Variants in HIBADH observed in about 807,000 individuals in gnomAD.
HIBADH encodes 3-hydroxyisobutyrate dehydrogenase.
A neutral mutation model predicts 36.1 loss-of-function variants in HIBADH; 25 were observed. The ratio of observed to expected loss-of-function variants is 0.69; its 90% CI spans 0.50 to 0.97. The LOEUF (loss-of-function observed/expected upper bound fraction) is 0.97, where lower values mean the gene tolerates loss of function less well. HIBADH is among the 50% of genes least tolerant of loss of function. HIBADH has a pLI of 0.00. For synonymous variants in HIBADH, 160 were observed against 149.5 expected (o/e 1.07, Z -0.51); for missense variants, 421 against 418.0 (o/e 1.01, Z -0.06).
intron 4 of HIBADH, among the ~76,000 whole-genome samples, chr7:27,554,898 A>T (rs1001685988): frequency 6.6e-6 from 1 of 151,956 alleles, no homozygotes; most frequent in Non-Finnish European, 1.5e-5. Context: ...GAGGGTGCCA[A>T]CTCCTACAAT....
chr7:27,629,225 T>C, intron 4 of HIBADH, 146 bp downstream of exon 4: 1 of 661,720 alleles, frequency 1.5e-6, no homozygotes, highest in Non-Finnish European at 2.4e-6. Context: ...GAGTACTAAA[T>C]AACGTATCAG....
chr7:27,594,696 G>T (rs935157776), intron 4 of HIBADH, among the ~76,000 whole-genome samples: 1 of 152,076 alleles, frequency 6.6e-6, no homozygotes, highest in African/African-American at 2.4e-5. Context: ...AAAGAGCAAT[G>T]AAAGACAACT....
At chr7:27,603,790 AT>A (rs534559699) in intron 4 of HIBADH, among the ~76,000 whole-genome samples, 206 of 152,316 alleles carry the variant, frequency 1.4e-3, no homozygotes, top group African/African-American at 4.7e-3. Flanking sequence ...AAAATAAGAT[AT>A]GCAAAGACTC....
intron 5 of HIBADH, among the ~76,000 whole-genome samples, chr7:27,540,208 T>A (rs1251943431): frequency 6.6e-6 from 1 of 152,296 alleles, no homozygotes; most frequent in South Asian, 2.1e-4. Context: ...GGGTCCATGT[T>A]GTAAAAGAAG....
At chr7:27,611,643 G>A (rs1785323831) in intron 4 of HIBADH, among the ~76,000 whole-genome samples, 2 of 152,174 alleles carry the variant, frequency 1.3e-5, no homozygotes, top group South Asian at 4.1e-4. Flanking sequence ...TGAGACCTGT[G>A]TCATGGGCTA....
chr7:27,575,786 A>G (rs1285822100), intron 4 of HIBADH, among the ~76,000 whole-genome samples: 2 of 152,196 alleles, frequency 1.3e-5, no homozygotes, highest in African/African-American at 4.8e-5. Flanking sequence ...CTAGCCTGTA[A>G]GGAGGAAAAC....
rs775572203 is a variant in HIBADH at position 27,632,443 on chromosome 7, T to A, written c.255A>T (p.Val85=). 1.9e-6 allele frequency: 3 copies of A among 1,608,364 alleles called. No individual in the cohort carries two copies. The highest frequency in any genetic ancestry group is 2.6e-6 in the Non-Finnish European group (3 of 1,175,102). ...CKEFQDAGEQ[V]VSSPADVAEK... ...CAGCAACATCTGCTGGGGAAGATAC[T>A]ACCTTTAAAAAAAATTGCAAAGGCA... Residue 85 remains valine (V), a splice_region_variant and synonymous_variant, in exon 3 of 8, where the codon GTA becomes GTT. Coordinates refer to ENST00000265395, the MANE Select transcript of HIBADH (RefSeq NM_152740.4).
chr7:27,578,608 C>T (rs1490706705), intron 4 of HIBADH, among the ~76,000 whole-genome samples: 1 of 151,458 alleles, frequency 6.6e-6, no homozygotes, highest in Non-Finnish European at 1.5e-5. Flanking sequence ...TGAGCCACCG[C>T]GCCCAGCCAA....
intron 4 of HIBADH, among the ~76,000 whole-genome samples, chr7:27,616,455 G>A (rs906115407): frequency 3.3e-5 from 5 of 151,998 alleles, no homozygotes; most frequent in Admixed American, 6.6e-5. Context: ...TCATGTCTTC[G>A]TTGTTTTTTT....
At chr7:27,580,969 T>C (rs1433945911) in intron 4 of HIBADH, among the ~76,000 whole-genome samples, 1 of 152,044 alleles carries the variant, frequency 6.6e-6, no homozygotes, top group East Asian at 1.9e-4. Context: ...GGGTAGGCGA[T>C]CATGTGGAAG....
chr7:27,644,599 CA>C (rs57443714), intron 2 of HIBADH, among the ~76,000 whole-genome samples: 71 of 112,650 alleles, frequency 6.3e-4, no homozygotes, highest in Non-Finnish European at 6.5e-4. Context: ...GACTCCATCT[CA>C]AAAAAAAAAA....
At chr7:27,655,901 C>G (rs932879074) in intron 1 of HIBADH, among the ~76,000 whole-genome samples, 6 of 151,984 alleles carry the variant, frequency 3.9e-5, no homozygotes, top group Admixed American at 3.3e-4. Context: ...AACATATGCT[C>G]TCATATACTG....
chr7:27,582,873 T>G (rs980925340), intron 4 of HIBADH, among the ~76,000 whole-genome samples: 1 of 152,150 alleles, frequency 6.6e-6, no homozygotes, highest in African/African-American at 2.4e-5. Flanking sequence ...GACAAATTCT[T>G]TAACCTCTTT....
intron 4 of HIBADH, 139 bp downstream of exon 4, chr7:27,629,232 T>A: frequency 1.4e-6 from 1 of 699,168 alleles, no homozygotes. Context: ...AAATAACGTA[T>A]CAGTTTGGCT....
chr7:27,545,786 A>G (rs1784228817), intron 4 of HIBADH, among the ~76,000 whole-genome samples: 1 of 152,188 alleles, frequency 6.6e-6, no homozygotes, highest in African/African-American at 2.4e-5. Flanking sequence ...ATACTTTATT[A>G]AAATCTTGGA....
At chr7:27,648,671 A>G (rs1786121377) in intron 2 of HIBADH, among the ~76,000 whole-genome samples, 1 of 152,242 alleles carries the variant, frequency 6.6e-6, no homozygotes, top group African/African-American at 2.4e-5. Flanking sequence ...ATATTCGGAT[A>G]CTGATACATG....
chr7:27,623,039 T>C (rs1453752020), intron 4 of HIBADH, among the ~76,000 whole-genome samples: 1 of 152,026 alleles, frequency 6.6e-6, no homozygotes, highest in Non-Finnish European at 1.5e-5. Context: ...CAGAATCCAG[T>C]AGCATATCAA....
intron 7 of HIBADH, 114 bp downstream of exon 7, chr7:27,531,078 T>C: frequency 1.0e-6 from 1 of 977,942 alleles, no homozygotes; most frequent in Non-Finnish European, 1.5e-6. Flanking sequence ...GTGAATATTC[T>C]AGTAATTTTG....
intron 4 of HIBADH, among the ~76,000 whole-genome samples, chr7:27,560,093 T>C (rs1415000702): frequency 6.6e-6 from 1 of 152,242 alleles, no homozygotes; most frequent in Non-Finnish European, 1.5e-5. Flanking sequence ...TTCTGTAATA[T>C]GATGTTGCCA....
Sources: allele counts gnomAD v4.1 joint callset (sites outside exome capture counted in the v4.1 genomes callset), GRCh38; gene constraint gnomAD v4.1.1; transcripts MANE v1.5; gene names NCBI Gene and HGNC (gene_info 2026-07-23, HGNC 2026-07-21).